Variants in CCR5AS observed in about 807,000 individuals in gnomAD.
CCR5AS encodes the protein CCR5 antisense RNA.
At chr3:46,384,036 G>A (rs1395416765) in intron 2 of CCR5AS, among the ~76,000 whole-genome samples, 1 of 152,246 alleles carries the variant, frequency 6.6e-6, no homozygotes, top group Non-Finnish European at 1.5e-5. Context: ...AGGCACACAA[G>A]AAGTGAGTTT....
intron 3 of CCR5AS, among the ~76,000 whole-genome samples, chr3:46,369,469 T>C (rs910602617): frequency 2.0e-5 from 3 of 152,186 alleles, no homozygotes; most frequent in Non-Finnish European, 4.4e-5. Flanking sequence ...ATCGCTGGGC[T>C]ATTTCTATAC....
At chr3:46,398,228 C>G (rs1052116834) in intron 1 of CCR5AS, among the ~76,000 whole-genome samples, 24 of 152,130 alleles carry the variant, frequency 1.6e-4, no homozygotes, top group African/African-American at 5.6e-4. Flanking sequence ...AAATTCATAT[C>G]AGGCCATTGA....
At chr3:46,372,376 A>G (rs1701674687) in intron 2 of CCR5AS, among the ~76,000 whole-genome samples, 1 of 152,132 alleles carries the variant, frequency 6.6e-6, no homozygotes, top group Non-Finnish European at 1.5e-5. Flanking sequence ...ATAAAAATAA[A>G]CAAAATTAGC....
At chr3:46,399,627 G>A (rs936109186) in intron 1 of CCR5AS, among the ~76,000 whole-genome samples, 17 of 152,172 alleles carry the variant, frequency 1.1e-4, no homozygotes, top group Admixed American at 2.0e-4. Context: ...AAGGTTAAAC[G>A]GAATGAGATC....
chr3:46,389,113 AGAGCTCT>A (rs78184588), intron 2 of CCR5AS, among the ~76,000 whole-genome samples: 18,196 of 152,116 alleles, frequency 0.12, 1,228 homozygotes, highest in East Asian at 0.21. Context: ...GTGACTGCGT[AGAGCTCT>A]GTTGCAAAAA....
intron 3 of CCR5AS, among the ~76,000 whole-genome samples, chr3:46,368,621 A>G (rs1701624032): frequency 1.3e-5 from 2 of 152,160 alleles, no homozygotes; most frequent in African/African-American, 4.8e-5. Flanking sequence ...ATATTTTTCA[A>G]ACTAACTTGG....
chr3:46,389,687 T>C lies in CCR5AS; in HGVS notation n.391+3138A>G, dbSNP rs566601142. Among the ~76,000 whole-genome samples, 4 of 152,096 alleles carry C rather than the reference T, an allele frequency of 2.6e-5. No individual in the cohort carries two copies. In the South Asian group the frequency reaches 8.3e-4, roughly 32 times the overall value. On this transcript the variant is annotated intron_variant and non_coding_transcript_variant, in intron 2 of 3. Coordinates refer to ENST00000451485, the Ensembl canonical transcript of CCR5AS. ...CTTTTTGAGAGAGTGAAAGGAAGAATGGGGAAAAGACTTATGGTCTATGGG... is the reference window on the plus strand; with the variant it reads ...CTTTTTGAGAGAGTGAAAGGAAGAACGGGGAAAAGACTTATGGTCTATGGG...
At chr3:46,395,660 C>T (rs1361314555) in intron 1 of CCR5AS, among the ~76,000 whole-genome samples, 1 of 152,190 alleles carries the variant, frequency 6.6e-6, no homozygotes, top group Non-Finnish European at 1.5e-5. Context: ...CAAAGGAATA[C>T]AAAGTAATGT....
At position 46,373,120 on chromosome 3, in the gene CCR5AS, C is replaced by A. The variant is rs56198941; in HGVS notation, n.392-1703G>T. 4 of 1,614,138 alleles carry A rather than the reference C, an allele frequency of 2.5e-6. No individual in the cohort carries two copies. The Admixed American group carries it at 5.0e-5, about 20-fold the overall frequency. ...ACTGACATCTACCTGCTCAACCTGGCCATCTCTGACCTGTTTTTCCTTCTT... is the reference window on the plus strand; with the variant it reads ...ACTGACATCTACCTGCTCAACCTGGACATCTCTGACCTGTTTTTCCTTCTT... On this transcript the variant is annotated intron_variant and non_coding_transcript_variant, in intron 2 of 3. Transcript: ENST00000451485.
chr3:46,384,862 TAGATAGATAGATA>T (rs1559572429), intron 2 of CCR5AS, among the ~76,000 whole-genome samples: 3 of 2,288 alleles, frequency 1.3e-3, no homozygotes, highest in African/African-American at 2.1e-3. Context: ...AGATGATAGA[TAGATAGATAGATA>T]GATAGATAGA....
At chr3:46,380,405 A>T (rs1433662409) in intron 2 of CCR5AS, among the ~76,000 whole-genome samples, 1 of 152,266 alleles carries the variant, frequency 6.6e-6, no homozygotes, top group East Asian at 1.9e-4. Flanking sequence ...ATTGTAACTT[A>T]TTCCCTTTTA....
intron 3 of CCR5AS, among the ~76,000 whole-genome samples, chr3:46,370,641 A>C (rs1432834075): frequency 6.6e-6 from 1 of 152,240 alleles, no homozygotes; most frequent in Non-Finnish European, 1.5e-5. Flanking sequence ...GCTTTTGACT[A>C]GATGAATGTA....
At chr3:46,373,549 G>T (rs371598347) in intron 2 of CCR5AS, 262 of 1,613,782 alleles carry the variant, frequency 1.6e-4, no homozygotes, top group Non-Finnish European at 1.9e-4. Flanking sequence ...TGCTACTCGG[G>T]AATCCTAAAA....
chr3:46,392,067 G>A (rs1235948580), intron 2 of CCR5AS, among the ~76,000 whole-genome samples: 5 of 152,186 alleles, frequency 3.3e-5, no homozygotes, highest in East Asian at 1.9e-4. Flanking sequence ...TGGATAAATC[G>A]AAAGTGTCAT....
At chr3:46,383,426 C>T (rs557821359) in intron 2 of CCR5AS, among the ~76,000 whole-genome samples, 2 of 152,272 alleles carry the variant, frequency 1.3e-5, no homozygotes, top group East Asian at 1.9e-4. Flanking sequence ...TAGGAATTAA[C>T]GTGTTAAGAG....
At chr3:46,387,285 C>T (rs1438339092) in intron 2 of CCR5AS, among the ~76,000 whole-genome samples, 1 of 152,188 alleles carries the variant, frequency 6.6e-6, no homozygotes, top group African/African-American at 2.4e-5. Flanking sequence ...AGGAAGATGT[C>T]CCATCACAGA....
At chr3:46,386,616 T>C (rs1163407541) in intron 2 of CCR5AS, among the ~76,000 whole-genome samples, 1 of 152,204 alleles carries the variant, frequency 6.6e-6, no homozygotes, top group Non-Finnish European at 1.5e-5. Flanking sequence ...AAGGAATTGT[T>C]GCACATTAAC....
intron 3 of CCR5AS, among the ~76,000 whole-genome samples, chr3:46,365,400 A>G (rs527958795): frequency 1.3e-5 from 2 of 152,346 alleles, no homozygotes; most frequent in South Asian, 4.1e-4. Context: ...TAGCAATACA[A>G]TATTTTTAAT....
intron 2 of CCR5AS, among the ~76,000 whole-genome samples, chr3:46,384,424 G>T (rs1412977488): frequency 6.6e-6 from 1 of 152,182 alleles, no homozygotes; most frequent in African/African-American, 2.4e-5. Context: ...ACAGCTGCCG[G>T]CATTCACTCT....
Sources: allele counts gnomAD v4.1 joint callset (sites outside exome capture counted in the v4.1 genomes callset), GRCh38; gene constraint gnomAD v4.1.1; transcripts MANE v1.5; gene names NCBI Gene and HGNC (gene_info 2026-07-23, HGNC 2026-07-21).